Variants in PLEKHG1 observed in about 807,000 individuals in gnomAD.
PLEKHG1 encodes pleckstrin homology and RhoGEF domain containing G1.
A neutral mutation model predicts 100.8 loss-of-function variants in PLEKHG1; 44 were observed. The ratio of observed to expected loss-of-function variants is 0.44; its 90% CI spans 0.34 to 0.56. The LOEUF (loss-of-function observed/expected upper bound fraction) is 0.56. Ranked by LOEUF, PLEKHG1 falls within the 20% of genes least tolerant of loss-of-function variation. The pLI, the probability that PLEKHG1 is intolerant of heterozygous loss-of-function variation, is 0.01. For synonymous variants in PLEKHG1, 640 were observed against 662.5 expected, an observed-to-expected ratio of 0.97 and a Z score of 0.52; for missense variants, 1,545 against 1,720.9, an observed-to-expected ratio of 0.90 and a Z score of 1.81.
chr6:150,610,358 TC>T (rs2128552805), intron 1 of PLEKHG1, among the ~76,000 whole-genome samples: 1 of 152,376 alleles, frequency 6.6e-6, no homozygotes, highest in South Asian at 2.1e-4. Context: ...TGCTTCGGCC[TC>T]CCGAAGTGTT....
intron 3 of PLEKHG1, among the ~76,000 whole-genome samples, chr6:150,680,992 T>C (rs1040121393): frequency 3.3e-5 from 5 of 152,350 alleles, no homozygotes; most frequent in Middle Eastern, 3.4e-3. Flanking sequence ...CTAGGCATAA[T>C]GCTCATATAG....
chr6:150,817,089 G>C (rs752983214), intron 10 of PLEKHG1, among the ~76,000 whole-genome samples: 1 of 152,268 alleles, frequency 6.6e-6, no homozygotes, highest in East Asian at 1.9e-4. Context: ...AACAGGCTAC[G>C]AACTAGTACT....
At chr6:150,665,369 G>T (rs142131982) in intron 3 of PLEKHG1, among the ~76,000 whole-genome samples, 1 of 152,130 alleles carries the variant, frequency 6.6e-6, no homozygotes, top group Non-Finnish European at 1.5e-5. Context: ...CGTGGCTCAC[G>T]CCTGTAATCC....
In PLEKHG1 at chr6:150,831,818, G is replaced by A. The variant is rs200723672; in HGVS notation, c.2707G>A (p.Val903Met). The stretch of plus-strand genomic sequence containing the variant: ...TGAGAGCCAGGCTCTCCTCACGCCC[G>A]TGAAGAGCAGGGCTGGCAGAGCCAG... Residue 903 changes from valine (V) to methionine (M), a missense_variant, in exon 15 of 16, where the codon GTG becomes ATG. Physicochemically the swap from Val to Met is conservative, Grantham distance 21. Transcript: ENST00000358517. This position sits in a 1 kb window ranked among gnomAD's most constrained non-coding sequence, Gnocchi z 4.1. 78 of 1,612,152 alleles carry A rather than the reference G, an allele frequency of 4.8e-5. No individual in the cohort carries two copies. Among genetic ancestry groups the A allele is most frequent in the South Asian group, 3.7e-4 (34 of 91,026 alleles).
In PLEKHG1 at chr6:150,806,331, C is replaced by G. The variant is rs1165138486; in HGVS notation, c.912+1590C>G. Among the ~76,000 whole-genome samples the G allele has an allele frequency of 3.3e-5, 5 of 151,354 alleles. No individual in the cohort carries two copies. The South Asian group carries it at 6.3e-4, about 19-fold the overall frequency. ...GAATCTATTGAATACAGTCATCCCC[C>G]CTATCCGCAGTTTCACTTTCTGCAG... On this transcript the variant is annotated intron_variant, in intron 7 of 15. Coordinates refer to ENST00000358517, the Ensembl canonical transcript of PLEKHG1.
At chr6:150,829,317 A>G (rs547050639) in intron 14 of PLEKHG1, among the ~76,000 whole-genome samples, 338 of 152,334 alleles carry the variant, frequency 2.2e-3, no homozygotes, top group Non-Finnish European at 3.6e-3. Context: ...TTCTTTGATT[A>G]GAAATCACTA....
At chr6:150,809,000 C>A in intron 7 of PLEKHG1, 105 bp from the exon 9 acceptor site, 1 of 884,446 alleles carries the variant, frequency 1.1e-6, no homozygotes, top group East Asian at 2.5e-5. Context: ...TAGACCCCCT[C>A]AGGGACGATT....
At chr6:150,716,209 G>A (rs955566438), upstream of PLEKHG1, among the ~76,000 whole-genome samples, 8 of 152,026 alleles carry the variant, frequency 5.3e-5, no homozygotes, top group African/African-American at 1.9e-4. Flanking sequence ...TTTGTCAATG[G>A]CCTGTGCTTC....
At chr6:150,792,292 G>A (rs1479239150) in intron 4 of PLEKHG1, among the ~76,000 whole-genome samples, 1 of 151,444 alleles carries the variant, frequency 6.6e-6, no homozygotes, top group Non-Finnish European at 1.5e-5. Flanking sequence ...AGGAGGTAGA[G>A]GTTTCATTGA....
chr6:150,835,665 A>T (rs1053968503), intron 15 of PLEKHG1, among the ~76,000 whole-genome samples: 2 of 152,198 alleles, frequency 1.3e-5, no homozygotes, highest in African/African-American at 4.8e-5. Context: ...CAGAGGTGTC[A>T]TCTCAGGCTG....
intron 2 of PLEKHG1, among the ~76,000 whole-genome samples, chr6:150,745,008 T>C (rs748923017): frequency 3.9e-5 from 6 of 152,074 alleles, no homozygotes; most frequent in Non-Finnish European, 8.8e-5. Context: ...AGTTTCAAAG[T>C]ACCTATGATC....
At chr6:150,725,237 T>C (rs7740199) in intron 1 of PLEKHG1, among the ~76,000 whole-genome samples, 30,995 of 151,984 alleles carry the variant, frequency 0.2, 4,630 homozygotes, top group African/African-American at 0.42. Context: ...TATAAGGGCA[T>C]TAATCTCATT....
chr6:150,635,388 A>T (rs942260057), intron 1 of PLEKHG1, among the ~76,000 whole-genome samples: 1 of 152,168 alleles, frequency 6.6e-6, no homozygotes, highest in African/African-American at 2.4e-5. Flanking sequence ...ATGAGTGGAC[A>T]TTTTAGGAGT....
chr6:150,809,158 G>A (rs748821973), exon 8 of PLEKHG1: 2 of 1,614,176 alleles, frequency 1.2e-6, no homozygotes, highest in Admixed American at 3.3e-5. Context: ...CCAGCTACGG[G>A]GAACTGGTGC....
In PLEKHG1 at chr6:150,821,069, T is replaced by C. The variant is rs1776266036; in HGVS notation, c.1409-126T>C. The C allele has an allele frequency of 7.0e-6, 5 of 713,376 alleles. No individual in the cohort carries two copies. In the East Asian group the frequency reaches 1.3e-4, roughly 19 times the overall value. 44.2% of individuals were successfully genotyped at this position (713,376 alleles called of 1,614,324 possible). On this transcript the variant is annotated intron_variant, in intron 12 of 15. Transcript: ENST00000358517. ...TATCTCTGAGCAATGGGGATTTTGT[T>C]AAATTTGATACAAAAGTTATAGAGC...
intron 1 of PLEKHG1, among the ~76,000 whole-genome samples, chr6:150,623,176 G>A (rs961681473): frequency 4.6e-5 from 7 of 151,928 alleles, no homozygotes; most frequent in South Asian, 2.1e-4. Context: ...TTCATCAAAT[G>A]ACACTGAAAT....
intron 1 of PLEKHG1, chr6:150,601,031 G>C (rs1360262834): frequency 6.6e-6 from 1 of 152,276 alleles, no homozygotes; most frequent in Non-Finnish European, 1.5e-5. Flanking sequence ...CAGACTGAGA[G>C]TTGGTTTAGG....
intron 15 of PLEKHG1, among the ~76,000 whole-genome samples, chr6:150,836,440 GT>G (rs1263822326): frequency 6.6e-6 from 1 of 152,056 alleles, no homozygotes; most frequent in East Asian, 1.9e-4. Flanking sequence ...TAATGAATTA[GT>G]TATTGAGACC....
chr6:150,774,531 A>ATTTTTTTTTTTTTTTTTTTTTTTTTT (rs61521577), intron 3 of PLEKHG1, among the ~76,000 whole-genome samples: 1 of 87,114 alleles, frequency 1.1e-5, no homozygotes, highest in Non-Finnish European at 2.4e-5. Flanking sequence ...ATTAGTTTGA[A>ATTTTTTTTTTTTTTTTTTTTTTTTTT]TTTTTTTTTT....
Sources: allele counts gnomAD v4.1 joint callset (sites outside exome capture counted in the v4.1 genomes callset), GRCh38; gene constraint gnomAD v4.1.1; non-coding constraint Gnocchi (gnomAD v3.1); transcripts MANE v1.5; gene names NCBI Gene and HGNC (gene_info 2026-07-23, HGNC 2026-07-21).